SLC25A10: variants seen among roughly 807,000 people sequenced by gnomAD.
The protein encoded by SLC25A10 is solute carrier family 25 member 10.
In SLC25A10, 32 loss-of-function variants were observed where a neutral mutation model predicts 40.4. That is an observed-to-expected ratio of 0.79 (90% CI 0.60 to 1.06). The LOEUF is 1.06. SLC25A10 is among the 50% of genes least tolerant of loss of function. The pLI is 0.00. For synonymous variants in SLC25A10, 181 were observed against 171.1 expected (o/e 1.06, Z -0.45); for missense variants, 394 against 402.6 (o/e 0.98, Z 0.18).
intron 9 of SLC25A10, among the ~76,000 whole-genome samples, chr17:81,719,457 C>T (rs540630370): frequency 1.1e-4 from 16 of 152,298 alleles, no homozygotes; most frequent in African/African-American, 2.4e-5. Flanking sequence ...CTTGGGCCCC[C>T]GCCAACTCCA....
In SLC25A10 at chr17:81,720,659, T is replaced by A. The variant is rs114512848; in HGVS notation, c.*582T>A. 0.16 allele frequency: 98,620 copies of A among 628,308 alleles called. 8,289 individuals carry two copies. Among genetic ancestry groups the A allele is most frequent in the Admixed American group, 0.27 (6,877 of 25,666 alleles). 38.9% of individuals were successfully genotyped at this position (628,308 alleles called of 1,614,324 possible). A position where few individuals can be genotyped will look rare whatever the true frequency, so the allele number is the denominator to read the frequency against. Reference sequence around the variant, plus strand: ...GTGCCTGGGAGGGAGTGGCCCAGGGTGGTTCTGGAGCCATTGTGGGTGAGG... The same window carrying A: ...GTGCCTGGGAGGGAGTGGCCCAGGGAGGTTCTGGAGCCATTGTGGGTGAGG... On this transcript the variant is annotated 3_prime_UTR_variant, in exon 11 of 11. Coordinates refer to ENST00000350690, the MANE Select transcript of SLC25A10 (RefSeq NM_012140.5).
chr17:81,716,511 A>C (rs1365038213), intron 5 of SLC25A10, among the ~76,000 whole-genome samples: 1 of 152,090 alleles, frequency 6.6e-6, no homozygotes, highest in African/African-American at 2.4e-5. Flanking sequence ...CTAGCTGTGC[A>C]CACAGACTGT....
chr17:81,714,853 G>A, intron 1 of SLC25A10, 100 bp from the exon 2 acceptor site: 1 of 1,512,628 alleles, frequency 6.6e-7, no homozygotes, highest in South Asian at 1.2e-5. Flanking sequence ...GCCGTGGGAG[G>A]CCTTATCACT....
intron 9 of SLC25A10, among the ~76,000 whole-genome samples, chr17:81,718,881 G>A (rs760288462): frequency 3.4e-5 from 5 of 145,320 alleles, no homozygotes; most frequent in African/African-American, 5.1e-5. Flanking sequence ...TTCAGGAGGC[G>A]GAGGTTGCAG....
chr17:81,717,937 C>T (rs540382343), intron 9 of SLC25A10, 76 bp downstream of exon 9: 54 of 1,121,336 alleles, frequency 4.8e-5, no homozygotes, highest in Middle Eastern at 2.5e-4. Flanking sequence ...GGTGGACACT[C>T]GCACTGGGGA....
At position 81,720,115 on chromosome 17, in the gene SLC25A10, G is replaced by C; in HGVS notation, c.*38G>C. On this transcript the variant is annotated 3_prime_UTR_variant, in exon 11 of 11. Transcript: ENST00000350690. ...ATGGCTGGGCTGCCAGGCCAGACAC[G>C]CTAGGTTCTTCCAAAGAGTCCCAAG... 2 of 1,608,918 alleles carry C rather than the reference G, an allele frequency of 1.2e-6. No homozygotes were observed. The highest frequency in any genetic ancestry group is 1.1e-5 in the South Asian group (1 of 91,018).
intron 9 of SLC25A10, among the ~76,000 whole-genome samples, chr17:81,718,924 G>A (rs1197854659): frequency 1.3e-5 from 2 of 151,824 alleles, no homozygotes; most frequent in Admixed American, 1.3e-4. Context: ...ACTCCAGCCT[G>A]GATGACAGAG....
At position 81,720,014 on chromosome 17, in the gene SLC25A10, C is replaced by G; in HGVS notation, c.801C>G (p.Thr267=). The change falls in exon 11 of 11, where the codon ACC becomes ACG. Residue 267 remains threonine (T), a synonymous_variant. Coordinates refer to ENST00000350690, the MANE Select transcript of SLC25A10 (RefSeq NM_012140.5). ...CTGGCATCCGCCTCATCCCCCACACCGTGCTCACTTTTGTGTTTCTGGAAC... is the reference window on the plus strand; with the variant it reads ...CTGGCATCCGCCTCATCCCCCACACGGTGCTCACTTTTGTGTTTCTGGAAC... ...VPAGIRLIPH[T]VLTFVFLEQL... 6.2e-7 allele frequency: 1 copy of G among 1,613,812 alleles called. No homozygotes were observed. The highest frequency in any genetic ancestry group is 8.5e-7 in the Non-Finnish European group (1 of 1,180,036).
At chr17:81,714,748 C>T (rs1007280836) in intron 1 of SLC25A10, among the ~76,000 whole-genome samples, 3 of 152,220 alleles carry the variant, frequency 2.0e-5, no homozygotes, top group African/African-American at 2.4e-5. Flanking sequence ...GCGGGGCTCG[C>T]GGACACTCTC....
chr17:81,712,867 C>G (rs1479577753), intron 1 of SLC25A10, among the ~76,000 whole-genome samples: 1 of 152,274 alleles, frequency 6.6e-6, no homozygotes, highest in African/African-American at 2.4e-5. Context: ...TTCAAGAACG[C>G]TCCTTCCGCC....
chr17:81,717,928 G>A lies in SLC25A10; in HGVS notation c.705+67G>A, dbSNP rs2037519586. 3.1e-5 allele frequency: 39 copies of A among 1,245,572 alleles called. No individual in the cohort carries two copies. The South Asian group carries it at 4.6e-4, about 15-fold the overall frequency. 77.2% of individuals were successfully genotyped at this position (1,245,572 alleles called of 1,614,324 possible). A position where few individuals can be genotyped will look rare whatever the true frequency, so the allele number is the denominator to read the frequency against. ...GCGAGTCCCCTCACCTCTCCGGGGG[G>A]TGGACACTCGCACTGGGGACCCGGG... On this transcript the variant is annotated intron_variant, in intron 9 of 10. Coordinates refer to ENST00000350690, the MANE Select transcript of SLC25A10 (RefSeq NM_012140.5).
intron 5 of SLC25A10, among the ~76,000 whole-genome samples, chr17:81,716,280 GT>G (rs1452497343): frequency 4.6e-5 from 7 of 152,172 alleles, no homozygotes; most frequent in Admixed American, 1.3e-4. Context: ...GGCTGGGCCT[GT>G]TTGCACCCCA....
chr17:81,715,030 C>T lies in SLC25A10; in HGVS notation c.171C>T (p.Ile57=). ...TGCGGGTGGTGCGTACCGACGGCAT[C>T]CTGGCACTCTACAGCGGCCTGAGCG... ...MALRVVRTDG[I]LALYSGLSAS... is the part of the protein sequence containing the mutation. Residue 57 remains isoleucine, a synonymous_variant, in exon 2 of 11, where the codon ATC becomes ATT. Coordinates refer to ENST00000350690, the MANE Select transcript of SLC25A10 (RefSeq NM_012140.5). 1.6e-5 allele frequency: 25 copies of T among 1,610,358 alleles called. No homozygotes were observed. The highest frequency in any genetic ancestry group is 2.0e-5 in the Non-Finnish European group (24 of 1,179,932).
chr17:81,717,198 TG>T, intron 7 of SLC25A10, 126 bp downstream of exon 7: 1 of 1,057,988 alleles, frequency 9.5e-7, no homozygotes, highest in Non-Finnish European at 1.4e-6. Flanking sequence ...TGTGACCTTG[TG>T]GGGCAGGGTG....
chr17:81,712,803 C>T (rs2037410046), intron 1 of SLC25A10, among the ~76,000 whole-genome samples: 1 of 152,268 alleles, frequency 6.6e-6, no homozygotes, highest in African/African-American at 2.4e-5. Context: ...CACTTTAATA[C>T]CTGGTGACCT....
At chr17:81,712,629 C>T (rs2037405341) in intron 1 of SLC25A10, 110 bp downstream of exon 1, 4 of 805,574 alleles carry the variant, frequency 5.0e-6, no homozygotes, top group South Asian at 6.1e-5. Context: ...GCCCGGGGCT[C>T]CCTCCTGGAG....
intron 1 of SLC25A10, among the ~76,000 whole-genome samples, chr17:81,712,789 T>C (rs950806434): frequency 6.6e-6 from 1 of 152,228 alleles, no homozygotes; most frequent in Admixed American, 6.5e-5. Flanking sequence ...CAGCCCCAGC[T>C]CTACACTTTA....
Position 81,715,619 on chromosome 17 carries a change from G to A in SLC25A10, c.328+27G>A, listed in dbSNP as rs760217312. 1.9e-6 allele frequency: 3 copies of A among 1,611,636 alleles called. 1 individual carries two copies. In the South Asian group the frequency reaches 3.3e-5, roughly 18 times the overall value. Reference sequence around the variant, plus strand: ...TGAGCTGCCGGGCGGGAGGGGGAGGGGCGCGGGGTGGTCAGGTCGGCCGAG... The same window carrying A: ...TGAGCTGCCGGGCGGGAGGGGGAGGAGCGCGGGGTGGTCAGGTCGGCCGAG... On this transcript the variant is annotated intron_variant, in intron 3 of 10. Coordinates refer to ENST00000350690, the MANE Select transcript of SLC25A10 (RefSeq NM_012140.5).
At position 81,717,868 on chromosome 17, in the gene SLC25A10, G is replaced by A. The variant is rs1663889295; in HGVS notation, c.705+7G>A. The A allele has an allele frequency of 6.2e-7, 1 of 1,602,102 alleles. No individual in the cohort carries two copies. The highest frequency in any genetic ancestry group is 2.3e-5 in the East Asian group (1 of 44,310). On this transcript the variant is annotated splice_region_variant and intron_variant, in intron 9 of 10. Transcript: ENST00000350690. ...CTCCAAGGGGGAGTATCAGGTGAGT[G>A]GGGCCCTGCCTGTGCAGTTGGGCTG...
Sources: allele counts gnomAD v4.1 joint callset (sites outside exome capture counted in the v4.1 genomes callset), GRCh38; gene constraint gnomAD v4.1.1; transcripts MANE v1.5; gene names NCBI Gene and HGNC (gene_info 2026-07-23, HGNC 2026-07-21).